RBFOX1: variants seen among roughly 807,000 people sequenced by gnomAD.
RBFOX1 encodes the protein RNA binding protein fox-1 homolog 1.
In RBFOX1, 8 loss-of-function variants were observed where a neutral mutation model predicts 57.7. The observed-to-expected ratio is 0.14, with a 90% confidence interval of 0.08 to 0.25. The LOEUF is 0.25. RBFOX1 is among the 10% of genes least tolerant of loss of function. RBFOX1 has a pLI of 1.00. For missense variants in RBFOX1, 611 were observed against 548.5 expected, an observed-to-expected ratio of 1.11 and a Z score of -1.14; for synonymous variants, 326 against 222.4, an observed-to-expected ratio of 1.47 and a Z score of -4.15.
At chr16:6,240,542 T>A (rs1220163331) in intron 1 of RBFOX1, among the ~76,000 whole-genome samples, 6 of 151,940 alleles carry the variant, frequency 3.9e-5, no homozygotes, top group African/African-American at 1.5e-4. Flanking sequence ...ATTTTCAAAC[T>A]CTTCATCATC....
chr16:6,616,653 C>A (rs139215105), intron 2 of RBFOX1, among the ~76,000 whole-genome samples: 1 of 152,170 alleles, frequency 6.6e-6, no homozygotes, highest in Non-Finnish European at 1.5e-5. Context: ...CCAGCCTGGG[C>A]GACAGAGCAA....
intron 3 of RBFOX1, among the ~76,000 whole-genome samples, chr16:6,757,039 TAA>T (rs58079935): frequency 6.6e-6 from 1 of 151,932 alleles, no homozygotes; most frequent in African/African-American, 2.4e-5. Flanking sequence ...CCAACAGGTA[TAA>T]AAAAAATGCT....
At chr16:5,845,809 T>A (rs1414444677) in intron 3 of RBFOX1, among the ~76,000 whole-genome samples, 1 of 152,090 alleles carries the variant, frequency 6.6e-6, no homozygotes, top group Admixed American at 6.5e-5. Context: ...CGCAGAGAGG[T>A]CCCTCAGACA....
chr16:5,960,000 A>C (rs111440386), intron 4 of RBFOX1, among the ~76,000 whole-genome samples: 5,678 of 152,266 alleles, frequency 0.037, 342 homozygotes, highest in African/African-American at 0.13. Context: ...CCGGAGTTCA[A>C]GACCAGCCTT....
intron 3 of RBFOX1, among the ~76,000 whole-genome samples, chr16:5,693,715 C>G (rs1343045561): frequency 2.6e-5 from 4 of 152,190 alleles, no homozygotes; most frequent in Non-Finnish European, 5.9e-5. Flanking sequence ...CCTACAGTGA[C>G]TTCCTCTTTC....
At chr16:5,707,362 C>T (rs994964822) in intron 3 of RBFOX1, among the ~76,000 whole-genome samples, 1 of 152,158 alleles carries the variant, frequency 6.6e-6, no homozygotes, top group African/African-American at 2.4e-5. Context: ...TTAAGAGCCT[C>T]AAGGAAAAGG....
At chr16:6,826,293 G>C (rs1044439571) in intron 3 of RBFOX1, among the ~76,000 whole-genome samples, 1 of 152,056 alleles carries the variant, frequency 6.6e-6, no homozygotes, top group Non-Finnish European at 1.5e-5. Context: ...CGAGAAAATC[G>C]TTTGAGTCCA....
chr16:6,824,783 G>A (rs2091883727), intron 3 of RBFOX1, among the ~76,000 whole-genome samples: 1 of 151,718 alleles, frequency 6.6e-6, no homozygotes, highest in African/African-American at 2.4e-5. Flanking sequence ...CATTTAAAAG[G>A]AATTAAATAT....
intron 3 of RBFOX1, among the ~76,000 whole-genome samples, chr16:6,679,084 A>G (rs1018220604): frequency 5.9e-5 from 9 of 152,082 alleles, no homozygotes; most frequent in African/African-American, 2.2e-4. Context: ...TTTTGAACAG[A>G]GAGAGAGGGC....
intron 1 of RBFOX1, among the ~76,000 whole-genome samples, chr16:6,078,755 G>A (rs2095951397): frequency 6.6e-6 from 1 of 152,210 alleles, no homozygotes; most frequent in Admixed American, 6.5e-5. Flanking sequence ...TGATGATCCA[G>A]AATATGTATT....
chr16:5,728,637 G>T (rs1283131415), intron 3 of RBFOX1, among the ~76,000 whole-genome samples: 1 of 152,150 alleles, frequency 6.6e-6, no homozygotes, highest in African/African-American at 2.4e-5. Context: ...GAGCCCTCTG[G>T]GTTCCTGGGA....
Position 6,599,522 on chromosome 16 carries a change from T to C in RBFOX1, c.-63-55081T>C, listed in dbSNP as rs186739432. ...TTAAACACTAATAAGTGAGAGAATC[T>C]AGTGGCTAGGAACTTCAGTTCTCAA... On this transcript the variant is annotated intron_variant, in intron 2 of 15. Coordinates refer to ENST00000550418, the MANE Select transcript of RBFOX1 (RefSeq NM_018723.4). Among the ~76,000 whole-genome samples the C allele has an allele frequency of 5.9e-5, 9 of 152,304 alleles. No individual in the cohort carries two copies. The East Asian group carries it at 1.2e-3, about 20-fold the overall frequency.
intron 2 of RBFOX1, among the ~76,000 whole-genome samples, chr16:5,470,510 T>C (rs1009349230): frequency 1.3e-5 from 2 of 152,164 alleles, no homozygotes; most frequent in African/African-American, 4.8e-5. Context: ...TCTATTTATC[T>C]CTCTCCCTCT....
intron 3 of RBFOX1, among the ~76,000 whole-genome samples, chr16:6,830,631 C>T (rs1356314706): frequency 2.0e-5 from 3 of 152,078 alleles, no homozygotes; most frequent in Admixed American, 6.6e-5. Context: ...CTAAACATAC[C>T]ACAGTATATA....
chr16:7,282,263 A>C (rs2095560282), intron 4 of RBFOX1, among the ~76,000 whole-genome samples: 1 of 152,202 alleles, frequency 6.6e-6, no homozygotes, highest in Admixed American at 6.5e-5. Context: ...CAGAGGAACA[A>C]GTAAATGGCA....
At chr16:5,986,092 C>T (rs897041712) in intron 4 of RBFOX1, among the ~76,000 whole-genome samples, 3 of 148,652 alleles carry the variant, frequency 2.0e-5, no homozygotes, top group Non-Finnish European at 3.0e-5. Flanking sequence ...GACAGGGTCT[C>T]GCTCTTGTTA....
intron 3 of RBFOX1, among the ~76,000 whole-genome samples, chr16:6,984,103 C>T (rs79445699): frequency 0.035 from 5,322 of 152,074 alleles, 331 homozygotes; most frequent in African/African-American, 0.12. Flanking sequence ...CGAAATTAGC[C>T]GAGTATGATG....
rs575732343 is a variant in RBFOX1 at position 7,006,450 on chromosome 16, G to A, written c.-15-45607G>A. On this transcript the variant is annotated intron_variant, in intron 3 of 15. Coordinates refer to ENST00000550418, the MANE Select transcript of RBFOX1 (RefSeq NM_018723.4). ...TTACAGGCTTGAGCCACTGCGCCCGGCCAAACAAGTTTTTTTATGTAGAGA... is the reference window on the plus strand; with the variant it reads ...TTACAGGCTTGAGCCACTGCGCCCGACCAAACAAGTTTTTTTATGTAGAGA... Among the ~76,000 whole-genome samples, 12 of 152,250 alleles carry A rather than the reference G, an allele frequency of 7.9e-5. No individual in the cohort carries two copies. In the East Asian group the frequency reaches 1.9e-3, roughly 25 times the overall value.
chr16:5,610,236 T>G (rs560835067), intron 3 of RBFOX1: 1 of 152,432 alleles, frequency 6.6e-6, no homozygotes, highest in East Asian at 1.9e-4. Flanking sequence ...TGTGCCTGCA[T>G]GTAATAGACT....
Sources: allele counts gnomAD v4.1 joint callset (sites outside exome capture counted in the v4.1 genomes callset), GRCh38; gene constraint gnomAD v4.1.1; transcripts MANE v1.5; gene names NCBI Gene and HGNC (gene_info 2026-07-23, HGNC 2026-07-21).